The following FBXO41 variants were observed in gnomAD, a reference collection of about 807,000 sequenced individuals.
FBXO41 encodes the protein F-box protein 41.
In FBXO41, 33 loss-of-function variants were observed where a neutral mutation model predicts 81.6. That is an observed-to-expected ratio of 0.40 (90% CI 0.31 to 0.54). The LOEUF (loss-of-function observed/expected upper bound fraction) is 0.54, where lower values mean the gene tolerates loss of function less well. Among genes scored for constraint, FBXO41 ranks in the 20% least tolerant of loss-of-function variants. The pLI is 0.39. For synonymous variants in FBXO41, 576 were observed against 552.7 expected, an observed-to-expected ratio of 1.04 and a Z score of -0.59; for missense variants, 1,107 against 1,236.0, an observed-to-expected ratio of 0.90 and a Z score of 1.56.
chr2:73,265,161 G>C (rs1688196592), intron 5 of FBXO41, 121 bp downstream of exon 5: 2 of 938,634 alleles, frequency 2.1e-6, no homozygotes, highest in Non-Finnish European at 3.1e-6. Flanking sequence ...TCCTGCCCCA[G>C]GCTTGAAGGG....
rs1688435207 is a variant in FBXO41, at chr2:73,269,830, C to T, written c.-138-62G>A. On this transcript the variant is annotated intron_variant, in intron 1 of 12. Transcript: ENST00000520530. The surrounding 1 kb of genome is among the most constrained non-coding windows in gnomAD (Gnocchi z 7.0). ...CGCTGCTCCCACCCTGGCTCCCAGC[C>T]CGGAGCCCTCATCCCCCAGCCATGA... 1 of 218,352 alleles carries T rather than the reference C, an allele frequency of 4.6e-6. No homozygotes were observed. Among genetic ancestry groups the T allele is most frequent in the Admixed American group, 5.9e-5 (1 of 17,012 alleles). 13.5% of individuals were successfully genotyped at this position (218,352 alleles called of 1,614,324 possible).
intron 1 of FBXO41, among the ~76,000 whole-genome samples, chr2:73,273,523 T>TTG (rs1688600462): frequency 6.6e-6 from 1 of 152,180 alleles, no homozygotes; most frequent in Non-Finnish European, 1.5e-5. Flanking sequence ...GGAACACACA[T>TTG]GACCTCAGTC....
chr2:73,255,368 A>G lies in FBXO41; in HGVS notation c.*3614T>C, dbSNP rs771388541. ...TCAGGCAAGGGCTGCAGATGAACAC[A>G]CTTGTCCAGGAATACATACATACAC... On this transcript the variant is annotated 3_prime_UTR_variant, in exon 13 of 13. Coordinates refer to ENST00000520530, the MANE Select transcript of FBXO41 (RefSeq NM_001371389.2). 1 of 152,610 alleles carries G rather than the reference A, an allele frequency of 6.6e-6. No homozygotes were observed. The highest frequency in any genetic ancestry group is 1.5e-5 in the Non-Finnish European group (1 of 68,092). The allele number at this position is 152,610 out of a possible 1,614,324, so 9.5% of individuals were successfully genotyped here.
Position 73,264,305 on chromosome 2 carries a change from C to CA in FBXO41, c.1778dup (p.Leu594AlafsTer2). ...TGGAGCAGACACGGGCATTCTCAAG[C>CA]AGCACCCTTGTCCAGACTGCGGGGT... On this transcript the variant is annotated frameshift_variant, in exon 6 of 13. Transcript: ENST00000520530. LOFTEE classifies it high-confidence loss of function. 6.2e-7 allele frequency: 1 copy of CA among 1,613,578 alleles called. No individual in the cohort carries two copies. The highest frequency in any genetic ancestry group is 8.5e-7 in the Non-Finnish European group (1 of 1,179,880).
chr2:73,280,658 A>G (rs150381130), intron 1 of FBXO41, among the ~76,000 whole-genome samples: 1,616 of 152,228 alleles, frequency 0.011, 26 homozygotes, highest in African/African-American at 0.037. Context: ...TACCTTTTCC[A>G]TCAAGCCTTC....
chr2:73,281,683 A>G (rs1688850144), intron 1 of FBXO41, among the ~76,000 whole-genome samples: 1 of 152,256 alleles, frequency 6.6e-6, no homozygotes, highest in Admixed American at 6.5e-5. Flanking sequence ...CTCTCCTGTT[A>G]GGCTCTCAAC....
intron 4 of FBXO41, 64 bp from the exon 5 acceptor site, chr2:73,265,704 C>G: frequency 1.0e-5 from 15 of 1,449,490 alleles, no homozygotes; most frequent in Non-Finnish European, 1.3e-5. Flanking sequence ...ACTCCCCATC[C>G]TGCCCCTACC....
intron 9 of FBXO41, among the ~76,000 whole-genome samples, chr2:73,261,950 C>T (rs961080121): frequency 9.3e-5 from 14 of 150,360 alleles, no homozygotes; most frequent in Non-Finnish European, 1.5e-4. Flanking sequence ...GGGCTGGGCG[C>T]GGTGGCTTAT....
At position 73,257,304 on chromosome 2, in the gene FBXO41, A is replaced by G. The variant is rs948451800; in HGVS notation, c.*1678T>C. Reference sequence around the variant, plus strand: ...TCAAAGGGCAGGGACAGAATGAGCCACAGGAGGAAAAGTCAGCAATGATAG... The same window carrying G: ...TCAAAGGGCAGGGACAGAATGAGCCGCAGGAGGAAAAGTCAGCAATGATAG... On this transcript the variant is annotated 3_prime_UTR_variant, in exon 13 of 13. Transcript: ENST00000520530. This position sits in a 1 kb window ranked among gnomAD's most constrained non-coding sequence, Gnocchi z 4.6. The G allele has an allele frequency of 3.3e-5, 5 of 152,764 alleles. No homozygotes were observed. The highest frequency in any genetic ancestry group is 1.5e-5 in the Non-Finnish European group (1 of 68,490). The allele number at this position is 152,764 out of a possible 1,614,324, so 9.5% of individuals were successfully genotyped here. A position where few individuals can be genotyped will look rare whatever the true frequency, so the allele number is the denominator to read the frequency against.
chr2:73,262,021 G>T (rs1688037508), intron 9 of FBXO41, among the ~76,000 whole-genome samples: 2 of 152,204 alleles, frequency 1.3e-5, no homozygotes, highest in Non-Finnish European at 2.9e-5. Flanking sequence ...TCAGGAGTTT[G>T]AGATCAGGCT....
At chr2:73,263,169 C>A in intron 9 of FBXO41, 44 bp downstream of exon 9, 2 of 1,506,056 alleles carry the variant, frequency 1.3e-6, no homozygotes, top group Non-Finnish European at 1.8e-6. Context: ...AGACCAGGCC[C>A]AACCGTGTCC....
At chr2:73,270,556 C>T (rs962797845) in intron 1 of FBXO41, among the ~76,000 whole-genome samples, 2 of 152,162 alleles carry the variant, frequency 1.3e-5, no homozygotes, top group Admixed American at 1.3e-4. Context: ...TGCACCACAT[C>T]CTCCTATCCC....
Position 73,269,813 on chromosome 2 carries a change from C to A in FBXO41, c.-138-45G>T. 1 of 239,284 alleles carries A rather than the reference C, an allele frequency of 4.2e-6. No homozygotes were observed. The highest frequency in any genetic ancestry group is 7.6e-6 in the Non-Finnish European group (1 of 132,102). 14.8% of individuals were successfully genotyped at this position (239,284 alleles called of 1,614,324 possible). A position where few individuals can be genotyped will look rare whatever the true frequency, so the allele number is the denominator to read the frequency against. On this transcript the variant is annotated intron_variant, in intron 1 of 12. Transcript: ENST00000520530. The surrounding 1 kb of genome is among the most constrained non-coding windows in gnomAD (Gnocchi z 7.0). Reference sequence around the variant, plus strand: ...TCTTAGGAAGAGGGTATCGCTGCTCCCACCCTGGCTCCCAGCCCGGAGCCC... The same window carrying A: ...TCTTAGGAAGAGGGTATCGCTGCTCACACCCTGGCTCCCAGCCCGGAGCCC...
Position 73,260,140 on chromosome 2 carries a change from G to T in FBXO41, c.2449+249C>A, listed in dbSNP as rs541601668. Among the ~76,000 whole-genome samples the T allele has an allele frequency of 1.3e-5, 2 of 152,270 alleles. No individual in the cohort carries two copies. The highest frequency in any genetic ancestry group is 4.8e-5 in the African/African-American group (2 of 41,546). On this transcript the variant is annotated intron_variant, in intron 11 of 12. Transcript: ENST00000520530. The surrounding 1 kb of genome is among the most constrained non-coding windows in gnomAD (Gnocchi z 5.0). ...TCACCCATCCTAGAAAGTCAGCTTAGAAGATGGGAATACAGGACTCAGAGA... is the reference window on the plus strand; with the variant it reads ...TCACCCATCCTAGAAAGTCAGCTTATAAGATGGGAATACAGGACTCAGAGA...
At chr2:73,276,163 C>A (rs1688675393) in intron 1 of FBXO41, among the ~76,000 whole-genome samples, 2 of 150,786 alleles carry the variant, frequency 1.3e-5, no homozygotes, top group South Asian at 2.1e-4. Flanking sequence ...TAATCCCAGC[C>A]CTTTGGGAGG....
chr2:73,265,968 T>C lies in FBXO41; in HGVS notation c.1132-2A>G. 1 of 1,569,564 alleles carries C rather than the reference T, an allele frequency of 6.4e-7. No individual in the cohort carries two copies. Among genetic ancestry groups the C allele is most frequent in the Non-Finnish European group, 8.6e-7 (1 of 1,156,464 alleles). ...GGCCGGGCCCACGTGGTGTTCTCGC[T>C]GTGGGCCCCCAGAGCAGGAGGTAAA... is the stretch of plus-strand genomic sequence containing the variant. On this transcript the variant is annotated splice_acceptor_variant, in intron 3 of 12. Transcript: ENST00000520530. LOFTEE classifies it high-confidence loss of function.
At chr2:73,263,363 C>T (rs1243723257) in intron 8 of FBXO41, 55 bp from the exon 9 acceptor site, 1 of 1,356,574 alleles carries the variant, frequency 7.4e-7, no homozygotes, top group African/African-American at 1.5e-5. Context: ...ACTGGTAATC[C>T]CAACACTTTG....
At chr2:73,265,823 C>T (rs1688242695) in intron 4 of FBXO41, 70 bp downstream of exon 4, 2 of 1,518,218 alleles carry the variant, frequency 1.3e-6, no homozygotes, top group Admixed American at 2.0e-5. Context: ...TGACACAAGC[C>T]CCAGACAGGC....
Position 73,257,366 on chromosome 2 carries a change from G to GA in FBXO41, c.*1615dup, listed in dbSNP as rs1687853356. ...ACAGAGCTAGGGAGTGACGCCATGGGAGCTGGGTGTGCTGCTGCGCCCATG... is the reference window on the plus strand; with the variant it reads ...ACAGAGCTAGGGAGTGACGCCATGGGAAGCTGGGTGTGCTGCTGCGCCCATG... On this transcript the variant is annotated 3_prime_UTR_variant, in exon 13 of 13. Transcript: ENST00000520530. This position sits in a 1 kb window ranked among gnomAD's most constrained non-coding sequence, Gnocchi z 4.6. 1 of 152,294 alleles carries GA rather than the reference G, an allele frequency of 6.6e-6. No homozygotes were observed. Among genetic ancestry groups the GA allele is most frequent in the East Asian group, 1.9e-4 (1 of 5,184 alleles). 9.4% of individuals were successfully genotyped at this position (152,294 alleles called of 1,614,324 possible).
Sources: gnomAD v4.1 joint callset for allele counts (sites outside exome capture counted in the v4.1 genomes callset) on GRCh38, gnomAD v4.1.1 for gene constraint, Gnocchi (gnomAD v3.1) non-coding constraint, MANE v1.5 for transcripts, NCBI Gene and HGNC (gene_info 2026-07-23, HGNC 2026-07-21) for gene names.